SHC3: variants seen among roughly 807,000 people sequenced by gnomAD.
The protein encoded by SHC3 is SHC adaptor protein 3.
Under a neutral mutation model 60.4 loss-of-function variants are expected in SHC3, and 15 were observed. That is an observed-to-expected ratio of 0.25 (90% confidence interval 0.17 to 0.38). The LOEUF is 0.38. SHC3 is among the 10% of genes least tolerant of loss of function. SHC3 has a pLI of 1.00. For missense variants in SHC3, 677 were observed against 786.1 expected (o/e 0.86, Z 1.66); for synonymous variants, 294 against 325.9 (o/e 0.90, Z 1.05).
At chr9:89,123,109 T>C (rs960533396) in intron 1 of SHC3, among the ~76,000 whole-genome samples, 3 of 152,202 alleles carry the variant, frequency 2.0e-5, no homozygotes, top group Non-Finnish European at 4.4e-5. Flanking sequence ...TGCACATGCA[T>C]GGGCTATATG....
At chr9:89,112,774 C>A in intron 1 of SHC3, 148 bp from the exon 2 acceptor site, 1 of 631,350 alleles carries the variant, frequency 1.6e-6, no homozygotes, top group Non-Finnish European at 2.5e-6. Context: ...TGTTTTGTTT[C>A]TATAAAAGCA....
chr9:89,028,774 A>C (rs1281003745), intron 11 of SHC3, among the ~76,000 whole-genome samples: 1 of 146,246 alleles, frequency 6.8e-6, no homozygotes, highest in African/African-American at 2.5e-5. Flanking sequence ...TATATTCTCT[A>C]TATAGATATA....
chr9:89,019,184 C>T (rs370557363), intron 11 of SHC3, among the ~76,000 whole-genome samples: 13 of 152,058 alleles, frequency 8.5e-5, no homozygotes, highest in East Asian at 3.9e-4. Flanking sequence ...ATTTCAATAT[C>T]GTACTGGAAG....
At chr9:89,148,855 T>C (rs1035727472) in intron 1 of SHC3, among the ~76,000 whole-genome samples, 3 of 152,256 alleles carry the variant, frequency 2.0e-5, no homozygotes, top group Admixed American at 2.0e-4. Flanking sequence ...ATGAAAGGCA[T>C]ACGTCACTTT....
chr9:89,077,709 G>T, intron 3 of SHC3, 131 bp downstream of exon 3: 1 of 1,075,678 alleles, frequency 9.3e-7, no homozygotes, highest in Non-Finnish European at 1.4e-6. Context: ...AGCCCTTTCT[G>T]CTTTTAGAAG....
At chr9:89,040,267 G>GCACCATCATCACTATCACCAT (rs1824666797) in intron 10 of SHC3, among the ~76,000 whole-genome samples, 1 of 4,420 alleles carries the variant, frequency 2.3e-4, no homozygotes, top group African/African-American at 8.0e-4. Context: ...ACCATCAGCA[G>GCACCATCATCACTATCACCAT]CAGCACCATC....
chr9:89,049,291 C>CAAAAT (rs373029613), intron 7 of SHC3, among the ~76,000 whole-genome samples: 7,765 of 150,418 alleles, frequency 0.052, 436 homozygotes, highest in Middle Eastern at 0.089. Flanking sequence ...CAAAACAAAA[C>CAAAAT]AAAACCAGAA....
chr9:89,173,790 T>C (rs1480342368), intron 1 of SHC3, among the ~76,000 whole-genome samples: 1 of 152,160 alleles, frequency 6.6e-6, no homozygotes, highest in East Asian at 1.9e-4. Flanking sequence ...TCTATGTTTG[T>C]GTCACATAAA....
At chr9:89,072,234 A>C (rs1233221204) in intron 4 of SHC3, among the ~76,000 whole-genome samples, 1 of 152,228 alleles carries the variant, frequency 6.6e-6, no homozygotes, top group Non-Finnish European at 1.5e-5. Context: ...ACAAATGTGC[A>C]TGGACCTGGT....
intron 2 of SHC3, among the ~76,000 whole-genome samples, chr9:89,103,228 G>A (rs775233680): frequency 6.9e-6 from 1 of 145,728 alleles, no homozygotes; most frequent in Non-Finnish European, 1.5e-5. Context: ...AACTGAAGGA[G>A]AGAGAGAGAC....
chr9:89,122,661 G>A (rs145600784), intron 1 of SHC3, among the ~76,000 whole-genome samples: 226 of 152,248 alleles, frequency 1.5e-3, no homozygotes, highest in African/African-American at 5.0e-3. Flanking sequence ...AGCAAGTCAC[G>A]GAGTCAGCCA....
intron 11 of SHC3, among the ~76,000 whole-genome samples, chr9:89,022,803 T>C (rs191635672): frequency 6.6e-6 from 1 of 152,312 alleles, no homozygotes. Context: ...TAAGTGCATC[T>C]TATTTATTTA....
At chr9:89,048,990 G>A (rs1311866586) in intron 7 of SHC3, among the ~76,000 whole-genome samples, 3 of 152,116 alleles carry the variant, frequency 2.0e-5, no homozygotes, top group East Asian at 1.9e-4. Flanking sequence ...GGCCGGGCAC[G>A]GTGATTTACG....
At chr9:89,036,956 T>C (rs1429981619) in intron 11 of SHC3, among the ~76,000 whole-genome samples, 16 of 73,198 alleles carry the variant, frequency 2.2e-4, no homozygotes, top group Non-Finnish European at 3.0e-4. Context: ...CAGAAGTACA[T>C]ATATGTTAAA....
In SHC3 at chr9:89,012,903, A is replaced by G. The variant is rs2118629740; in HGVS notation, c.*544T>C. On this transcript the variant is annotated 3_prime_UTR_variant, in exon 12 of 12. Coordinates refer to ENST00000375835, the MANE Select transcript of SHC3 (RefSeq NM_016848.6). The stretch of plus-strand genomic sequence containing the variant: ...GGAGGTGTCCCAGGGAGGCCAAGGG[A>G]GGATGCCCGCTCCCACCAGCAAGCA... 6.6e-6 allele frequency: 1 copy of G among 152,436 alleles called. No homozygotes were observed. Among genetic ancestry groups the G allele is most frequent in the Admixed American group, 6.5e-5 (1 of 15,292 alleles). 9.4% of individuals were successfully genotyped at this position (152,436 alleles called of 1,614,324 possible).
At chr9:89,100,465 C>T (rs1825766643) in intron 2 of SHC3, among the ~76,000 whole-genome samples, 1 of 152,014 alleles carries the variant, frequency 6.6e-6, no homozygotes, top group Admixed American at 6.6e-5. Context: ...TCTCAAACTC[C>T]CGGCCTCAAG....
At chr9:89,141,581 C>A (rs183539439) in intron 1 of SHC3, among the ~76,000 whole-genome samples, 1 of 151,878 alleles carries the variant, frequency 6.6e-6, no homozygotes, top group African/African-American at 2.4e-5. Context: ...GCCCTAGTGA[C>A]CTGTGGGCTG....
At chr9:89,053,257 G>A (rs145114325) in intron 6 of SHC3, among the ~76,000 whole-genome samples, 3 of 152,318 alleles carry the variant, frequency 2.0e-5, no homozygotes, top group Non-Finnish European at 4.4e-5. Flanking sequence ...GCCAAGGAGG[G>A]TTCCTCCAAA....
intron 4 of SHC3, among the ~76,000 whole-genome samples, chr9:89,074,368 C>A (rs1031246340): frequency 2.0e-5 from 3 of 152,110 alleles, no homozygotes; most frequent in East Asian, 1.9e-4. Flanking sequence ...TCCACACCCC[C>A]CTGGATACTG....
Sources: allele counts gnomAD v4.1 joint callset (sites outside exome capture counted in the v4.1 genomes callset), GRCh38; gene constraint gnomAD v4.1.1; transcripts MANE v1.5; gene names NCBI Gene and HGNC (gene_info 2026-07-23, HGNC 2026-07-21).